Variants in COL11A2 observed in about 807,000 individuals in gnomAD.
The protein encoded by COL11A2 is collagen alpha-2(XI) chain.
A neutral mutation model predicts 273.4 loss-of-function variants in COL11A2; 116 were observed. That is an observed-to-expected ratio of 0.42 (90% CI 0.36 to 0.49). The LOEUF is 0.49. Ranked by LOEUF, COL11A2 falls within the 20% of genes least tolerant of loss-of-function variation. The pLI, the probability that COL11A2 is intolerant of heterozygous loss-of-function variation, is 0.00. For missense variants in COL11A2, 1,866 were observed against 2,309.0 expected (o/e 0.81, Z 3.93); for synonymous variants, 782 against 864.2 (o/e 0.90, Z 1.67).
At chr6:33,188,595 G>C in intron 3 of COL11A2, 71 bp from the exon 4 acceptor site, 1 of 1,576,842 alleles carries the variant, frequency 6.3e-7, no homozygotes, top group South Asian at 1.1e-5. Context: ...TGGTTGGAGA[G>C]CAGTGATAAG....
In COL11A2 at chr6:33,172,611, C is replaced by T. The variant is rs536659371; in HGVS notation, c.2817G>A (p.Met939Ile). 5 of 1,612,718 alleles carry T rather than the reference C, an allele frequency of 3.1e-6. No individual in the cohort carries two copies. Among genetic ancestry groups the T allele is most frequent in the African/African-American group, 1.3e-5 (1 of 74,990 alleles). ...PQGAAGETGP[M>I]GERGHPGPPG... ...GGGGGCCTGGGTGACCTCTCTCCCC[C>T]ATAGGGCCGGTTTCTCCTGCTGCTC... is the stretch of plus-strand genomic sequence containing the variant. Residue 939 changes from methionine (M) to isoleucine (I), a missense_variant, in exon 39 of 66, where the codon ATG (methionine) becomes ATA (isoleucine). Met to Ile is a conservative substitution (Grantham distance 10). Transcript: ENST00000341947.
Position 33,185,713 on chromosome 6 carries a change from G to A in COL11A2, c.864C>T (p.Thr288=), listed in dbSNP as rs1344526307. The A allele has an allele frequency of 1.5e-6, 2 of 1,359,316 alleles. No homozygotes were observed. Among genetic ancestry groups the A allele is most frequent in the Non-Finnish European group, 2.0e-6 (2 of 1,015,666 alleles). The allele number at this position is 1,359,316 out of a possible 1,614,324, so 84.2% of individuals were successfully genotyped here. A position where few individuals can be genotyped will look rare whatever the true frequency, so the allele number is the denominator to read the frequency against. Residue 288 remains threonine, a synonymous_variant, in exon 6 of 66, where the codon ACC becomes ACT. Coordinates refer to ENST00000341947, the MANE Select transcript of COL11A2 (RefSeq NM_080680.3). ...PYYDVMTTGT[T]PDYQDPTPGE... is the part of the protein sequence containing the mutation. ...CCCTTGAGTTTACCTGATAATCAGG[G>A]GTTGTCCCCGTAGTCATCACATCAT... is the stretch of plus-strand genomic sequence containing the variant.
chr6:33,163,512 C>A lies in COL11A2; in HGVS notation c.*166G>T. 1 of 1,025,696 alleles carries A rather than the reference C, an allele frequency of 9.7e-7. No individual in the cohort carries two copies. Among genetic ancestry groups the A allele is most frequent in the South Asian group, 1.5e-5 (1 of 66,530 alleles). The allele number at this position is 1,025,696 out of a possible 1,614,324, so 63.5% of individuals were successfully genotyped here. ...CCACTCCTCCCGTGGGGTGTCCAGGCAACCACTTCACCCCTCCCCTGGCCT... is the reference window on the plus strand; with the variant it reads ...CCACTCCTCCCGTGGGGTGTCCAGGAAACCACTTCACCCCTCCCCTGGCCT... On this transcript the variant is annotated 3_prime_UTR_variant, in exon 66 of 66. Coordinates refer to ENST00000341947, the MANE Select transcript of COL11A2 (RefSeq NM_080680.3). The surrounding 1 kb of genome is among the most constrained non-coding windows in gnomAD (Gnocchi z 4.1).
At chr6:33,171,884 C>G (rs538440864) in intron 41 of COL11A2, 64 bp from the exon 42 acceptor site, 7 of 1,589,114 alleles carry the variant, frequency 4.4e-6, no homozygotes, top group Middle Eastern at 1.7e-4. Context: ...CAGAGAACCT[C>G]AGACCACAAT....
rs1429533320 is a variant in COL11A2 at position 33,189,872 on chromosome 6, C to T, written c.83-403G>A. ...GTCTTTCTGTCTCTGTCTCTTCTGT[C>T]TTCCTCCATTTCTCTCACATTCTGT... On this transcript the variant is annotated intron_variant, in intron 1 of 65. Transcript: ENST00000341947. The surrounding 1 kb of genome is among the most constrained non-coding windows in gnomAD (Gnocchi z 5.6). 3.9e-5 allele frequency among the ~76,000 whole-genome samples: 6 copies of T among 152,144 alleles called. No homozygotes were observed. The highest frequency in any genetic ancestry group is 2.9e-5 in the Non-Finnish European group (2 of 68,026).
Position 33,168,367 on chromosome 6 carries a change from CG to C in COL11A2, c.3960+151del. The C allele has an allele frequency of 3.4e-6, 3 of 871,138 alleles. No homozygotes were observed. The South Asian group carries it at 4.2e-5, about 12-fold the overall frequency. The allele number at this position is 871,138 out of a possible 1,614,324, so 54.0% of individuals were successfully genotyped here. ...CTGCCCCGGGCAATGAGATACCACA[CG>C]CCCTTAAACCCACCAGCTCCTGCAC... is the stretch of plus-strand genomic sequence containing the variant. On this transcript the variant is annotated intron_variant, in intron 54 of 65. Coordinates refer to ENST00000341947, the MANE Select transcript of COL11A2 (RefSeq NM_080680.3).
Position 33,168,562 on chromosome 6 carries a change from C to G in COL11A2, c.3917G>C (p.Gly1306Ala), listed in dbSNP as rs778536109. The G allele has an allele frequency of 1.2e-6, 2 of 1,613,576 alleles. No homozygotes were observed. Among genetic ancestry groups the G allele is most frequent in the South Asian group, 2.2e-5 (2 of 91,058 alleles). The change falls in exon 54 of 66, where the codon GGT becomes GCT. Residue 1306 changes from glycine (G) to alanine (A), a missense_variant. Physicochemically the swap from Gly to Ala is moderately conservative, Grantham distance 60. Transcript: ENST00000341947. ...DGEPGQPGSP[G>A]PTGENGPPGP... The stretch of plus-strand genomic sequence containing the variant: ...TGGGGGTCCATTCTCCCCGGTGGGA[C>G]CAGGGGATCCCTAGGGAGAGAGGAA...
Position 33,188,535 on chromosome 6 carries a change from T to C in COL11A2, c.444-11A>G. 6.2e-7 allele frequency: 1 copy of C among 1,612,904 alleles called. No homozygotes were observed. Among genetic ancestry groups the C allele is most frequent in the Non-Finnish European group, 8.5e-7 (1 of 1,179,952 alleles). ...GCCACACGGTGCCACCTGGAAATGG[T>C]GGAAGAGGTTCAAGTGAACTCTTGG... is the stretch of plus-strand genomic sequence containing the variant. On this transcript the variant is annotated splice_polypyrimidine_tract_variant and intron_variant, in intron 3 of 65. Transcript: ENST00000341947.
chr6:33,169,246 G>A lies in COL11A2; in HGVS notation c.3798+137C>T. ...GATCCTAGACCCCAGGCATCCCTCTGGATGCCCCATTCCCAGAGCATCCCC... is the reference window on the plus strand; with the variant it reads ...GATCCTAGACCCCAGGCATCCCTCTAGATGCCCCATTCCCAGAGCATCCCC... On this transcript the variant is annotated intron_variant, in intron 51 of 65. Transcript: ENST00000341947. The surrounding 1 kb of genome is among the most constrained non-coding windows in gnomAD (Gnocchi z 5.5). 3 of 828,086 alleles carry A rather than the reference G, an allele frequency of 3.6e-6. No individual in the cohort carries two copies. The South Asian group carries it at 4.7e-5, about 13-fold the overall frequency. The allele number at this position is 828,086 out of a possible 1,614,324, so 51.3% of individuals were successfully genotyped here. A position where few individuals can be genotyped will look rare whatever the true frequency, so the allele number is the denominator to read the frequency against.
chr6:33,164,726 G>A lies in COL11A2; in HGVS notation c.4863+126C>T, dbSNP rs1341953031. On this transcript the variant is annotated intron_variant, in intron 64 of 65. Transcript: ENST00000341947. This position sits in a 1 kb window ranked among gnomAD's most constrained non-coding sequence, Gnocchi z 4.7. ...GGAAAAGAAGAAAGAGCTAAGAAGT[G>A]GAGAAGGGGTGGCAGGCTCCGGGGG... 2 of 805,724 alleles carry A rather than the reference G, an allele frequency of 2.5e-6. No homozygotes were observed. Among genetic ancestry groups the A allele is most frequent in the Non-Finnish European group, 4.1e-6 (2 of 492,138 alleles). 49.9% of individuals were successfully genotyped at this position (805,724 alleles called of 1,614,324 possible).
Position 33,176,736 on chromosome 6 carries a change from T to C in COL11A2, c.2100A>G (p.Gly700=). ...AAGATCTCACCTGGTTTCCTTTGGT[T>C]CCAGGGGGACCTTCCTTCCCTGGGT... ...PGHPGKEGPP[G]TKGNQGPSGP... Residue 700 remains glycine, a synonymous_variant, in exon 26 of 66, where the codon GGA becomes GGG. Transcript: ENST00000341947. The surrounding 1 kb of genome is among the most constrained non-coding windows in gnomAD (Gnocchi z 4.9). The C allele has an allele frequency of 6.2e-7, 1 of 1,613,306 alleles. No homozygotes were observed. The highest frequency in any genetic ancestry group is 8.5e-7 in the Non-Finnish European group (1 of 1,179,716).
chr6:33,167,617 G>C lies in COL11A2; in HGVS notation c.4015-84C>G, dbSNP rs904254101. On this transcript the variant is annotated intron_variant, in intron 55 of 65. Coordinates refer to ENST00000341947, the MANE Select transcript of COL11A2 (RefSeq NM_080680.3). This position sits in a 1 kb window ranked among gnomAD's most constrained non-coding sequence, Gnocchi z 6.1. ...GCAGAGGGTCCAAGGTGGGAGGCAG[G>C]AGGCAGGGAGGAAGGGCCAAACTCT... 5.2e-6 allele frequency: 8 copies of C among 1,527,562 alleles called. No homozygotes were observed. In the African/African-American group the frequency reaches 9.6e-5, roughly 18 times the overall value. The allele number at this position is 1,527,562 out of a possible 1,614,324, so 94.6% of individuals were successfully genotyped here. A position where few individuals can be genotyped will look rare whatever the true frequency, so the allele number is the denominator to read the frequency against.
intron 4 of COL11A2, 112 bp downstream of exon 4, chr6:33,188,250 G>A: frequency 3.1e-6 from 4 of 1,297,950 alleles, no homozygotes; most frequent in Non-Finnish European, 4.4e-6. Context: ...AAATTCATAA[G>A]AAAAAAAAAT....
At chr6:33,183,455 A>G (rs1771975879) in intron 8 of COL11A2, among the ~76,000 whole-genome samples, 1 of 152,228 alleles carries the variant, frequency 6.6e-6, no homozygotes, top group Non-Finnish European at 1.5e-5. Flanking sequence ...GAAAACACAA[A>G]CATCAAGGCT....
At position 33,165,681 on chromosome 6, in the gene COL11A2, GC is replaced by G. The variant is rs765304181; in HGVS notation, c.4617del (p.Leu1540TrpfsTer18). ...TCGAGTGAGCCAAAGATCTCCTCCA[GC>G]CCCCCAGGACTGCCGGGGGCTCCCC... is the stretch of plus-strand genomic sequence containing the variant. ...PTGGAPGSPGGLEEIFGSLDS... is the reference protein window; with the variant it reads ...PTGGAPGSPGXLEEIFGSLDS... On this transcript the variant is annotated frameshift_variant, in exon 63 of 66. Coordinates refer to ENST00000341947, the MANE Select transcript of COL11A2 (RefSeq NM_080680.3). LOFTEE classifies it high-confidence loss of function. This position sits in a 1 kb window ranked among gnomAD's most constrained non-coding sequence, Gnocchi z 7.7. 2 of 1,611,502 alleles carry G rather than the reference GC, an allele frequency of 1.2e-6. No homozygotes were observed. The highest frequency in any genetic ancestry group is 8.5e-7 in the Non-Finnish European group (1 of 1,179,976).
chr6:33,178,547 G>A lies in COL11A2; in HGVS notation c.1720-59C>T, dbSNP rs1050135130. 11 of 1,609,902 alleles carry A rather than the reference G, an allele frequency of 6.8e-6. No individual in the cohort carries two copies. The highest frequency in any genetic ancestry group is 8.5e-6 in the Non-Finnish European group (10 of 1,177,494). Reference sequence around the variant, plus strand: ...AGAGCCCCCAACACAGGCAGACACCGAACCTCTGCACTTAGCCCATCCATT... The same window carrying A: ...AGAGCCCCCAACACAGGCAGACACCAAACCTCTGCACTTAGCCCATCCATT... On this transcript the variant is annotated intron_variant, in intron 18 of 65. Transcript: ENST00000341947. The surrounding 1 kb of genome is among the most constrained non-coding windows in gnomAD (Gnocchi z 4.6).
At position 33,174,506 on chromosome 6, in the gene COL11A2, AC is replaced by A. The variant is rs1204982314; in HGVS notation, c.2430+20del. On this transcript the variant is annotated intron_variant, in intron 31 of 65. Transcript: ENST00000341947. ...AGGAGGAGGGAAGAGGAGGAGGGGC[AC>A]GTATGGGGCATGGCATCACCTTGGG... 12 of 1,611,966 alleles carry A rather than the reference AC, an allele frequency of 7.4e-6. No individual in the cohort carries two copies. The highest frequency in any genetic ancestry group is 1.6e-4 in the Middle Eastern group (1 of 6,080).
chr6:33,186,569 C>T (rs776444715), intron 5 of COL11A2, 58 bp downstream of exon 5: 39 of 1,613,370 alleles, frequency 2.4e-5, no homozygotes, highest in Non-Finnish European at 3.1e-5. Context: ...GGAGAGATGC[C>T]TGGGTGTCTT....
intron 1 of COL11A2, 108 bp downstream of exon 1, chr6:33,192,051 C>T (rs1773182029): frequency 1.9e-6 from 2 of 1,051,498 alleles, no homozygotes; most frequent in Non-Finnish European, 2.9e-6. Context: ...CCCCAAATCT[C>T]CTTGTTAGAC....
Sources: gnomAD v4.1 joint callset for allele counts (sites outside exome capture counted in the v4.1 genomes callset) on GRCh38, gnomAD v4.1.1 for gene constraint, Gnocchi (gnomAD v3.1) non-coding constraint, MANE v1.5 for transcripts, NCBI Gene and HGNC (gene_info 2026-07-23, HGNC 2026-07-21) for gene names.